The following ARHGAP15 variants were observed in gnomAD, a reference collection of about 807,000 sequenced individuals.
ARHGAP15 encodes Rho GTPase activating protein 15.
ARHGAP15 carries 51 observed loss-of-function variants against 63.7 expected under a neutral mutation model. That is an observed-to-expected ratio of 0.80 (90% CI 0.64 to 1.01). The LOEUF (loss-of-function observed/expected upper bound fraction) is 1.01, where lower values mean the gene tolerates loss of function less well. Ranked by LOEUF, ARHGAP15 falls within the 50% of genes least tolerant of loss-of-function variation. The pLI is 0.00. For missense variants in ARHGAP15, 560 were observed against 564.6 expected, an observed-to-expected ratio of 0.99 and a Z score of 0.08; for synonymous variants, 191 against 193.8, an observed-to-expected ratio of 0.99 and a Z score of 0.12.
chr2:143,735,603 T>C (rs938704752), intron 13 of ARHGAP15, among the ~76,000 whole-genome samples: 2 of 152,182 alleles, frequency 1.3e-5, no homozygotes, highest in Non-Finnish European at 2.9e-5. Context: ...TATTATTTGT[T>C]CGTTCCTGAT....
At chr2:143,587,769 G>A (rs1697166055) in intron 11 of ARHGAP15, 1 of 470,284 alleles carries the variant, frequency 2.1e-6, no homozygotes, top group African/African-American at 2.0e-5. Flanking sequence ...TTTCACAGTG[G>A]TCATTTGACC....
chr2:143,299,694 A>G (rs571643476), intron 6 of ARHGAP15, among the ~76,000 whole-genome samples: 1 of 152,120 alleles, frequency 6.6e-6, no homozygotes, highest in Non-Finnish European at 1.5e-5. Flanking sequence ...TTGTGTCTAA[A>G]ATAAACACTC....
chr2:143,432,989 G>A (rs1436884991), intron 6 of ARHGAP15, among the ~76,000 whole-genome samples: 1 of 151,916 alleles, frequency 6.6e-6, no homozygotes, highest in Non-Finnish European at 1.5e-5. Context: ...ACATTAGCAC[G>A]GCTTAATATC....
chr2:143,363,586 GC>G (rs1449455182), intron 6 of ARHGAP15, among the ~76,000 whole-genome samples: 1 of 152,124 alleles, frequency 6.6e-6, no homozygotes, highest in Non-Finnish European at 1.5e-5. Context: ...TTACCTGCTT[GC>G]CAAGGCTTTC....
At chr2:143,651,465 T>C (rs947386587) in intron 12 of ARHGAP15, among the ~76,000 whole-genome samples, 1 of 152,030 alleles carries the variant, frequency 6.6e-6, no homozygotes, top group African/African-American at 2.4e-5. Context: ...CTTATGATTT[T>C]ATTTACTTGT....
chr2:143,697,337 T>C (rs920471018), intron 12 of ARHGAP15, among the ~76,000 whole-genome samples: 3 of 152,208 alleles, frequency 2.0e-5, no homozygotes, highest in Non-Finnish European at 4.4e-5. Flanking sequence ...AAATATGTTT[T>C]AAGGGAAGAG....
intron 4 of ARHGAP15, among the ~76,000 whole-genome samples, chr2:143,225,306 TA>T (rs1012706593): frequency 2.3e-4 from 35 of 150,966 alleles, no homozygotes; most frequent in Admixed American, 1.5e-3. Flanking sequence ...AATTTGGATT[TA>T]AAAAAAAACA....
chr2:143,211,062 G>A (rs1692540103), intron 3 of ARHGAP15, among the ~76,000 whole-genome samples: 1 of 152,130 alleles, frequency 6.6e-6, no homozygotes, highest in African/African-American at 2.4e-5. Context: ...ATGATGTACA[G>A]ATAAGCTGGA....
chr2:143,337,462 C>T (rs1461572042), intron 6 of ARHGAP15, among the ~76,000 whole-genome samples: 1 of 152,100 alleles, frequency 6.6e-6, no homozygotes, highest in African/African-American at 2.4e-5. Context: ...GCATTACGTT[C>T]TGGATTCAGG....
chr2:143,637,511 A>G (rs910116110), intron 12 of ARHGAP15, among the ~76,000 whole-genome samples: 2 of 152,078 alleles, frequency 1.3e-5, no homozygotes, highest in African/African-American at 2.4e-5. Context: ...TCTCATAACA[A>G]CAGGAGCTGG....
At chr2:143,342,198 C>G (rs772069652) in intron 6 of ARHGAP15, among the ~76,000 whole-genome samples, 13 of 152,036 alleles carry the variant, frequency 8.6e-5, no homozygotes, top group Admixed American at 4.6e-4. Flanking sequence ...AAGCTATATC[C>G]TAAGCATCAA....
intron 4 of ARHGAP15, among the ~76,000 whole-genome samples, chr2:143,217,127 T>C (rs1692786154): frequency 6.6e-6 from 1 of 152,150 alleles, no homozygotes; most frequent in African/African-American, 2.4e-5. Context: ...TAGAAAATGC[T>C]CAAGTTGAGA....
chr2:143,171,613 C>T (rs1690784394), intron 2 of ARHGAP15, among the ~76,000 whole-genome samples: 1 of 152,050 alleles, frequency 6.6e-6, no homozygotes, highest in Non-Finnish European at 1.5e-5. Context: ...CCACCTGTGT[C>T]TAGCAAAACT....
intron 8 of ARHGAP15, among the ~76,000 whole-genome samples, chr2:143,482,396 C>A (rs1459451575): frequency 6.6e-6 from 1 of 152,164 alleles, no homozygotes; most frequent in Non-Finnish European, 1.5e-5. Flanking sequence ...TATTGTACCA[C>A]ACTGTGTATT....
intron 12 of ARHGAP15, among the ~76,000 whole-genome samples, chr2:143,690,453 C>T (rs1297620378): frequency 6.6e-6 from 1 of 152,166 alleles, no homozygotes; most frequent in African/African-American, 2.4e-5. Flanking sequence ...CCTATGGCTA[C>T]TTCTTTACAG....
rs189674090 is a variant in ARHGAP15 at position 143,694,134 on chromosome 2, G to T, written c.1139-9285G>T. Among the ~76,000 whole-genome samples, 259 of 152,056 alleles carry T rather than the reference G, an allele frequency of 1.7e-3. 3 individuals are homozygous for T. Among genetic ancestry groups the T allele is most frequent in the African/African-American group, 6.0e-3 (250 of 41,476 alleles). ...TCATATTTACATCTGCCATATATGT[G>T]GTACTTCAAAAATTAAAGGCGTGAA... On this transcript the variant is annotated intron_variant, in intron 12 of 13. Transcript: ENST00000295095.
chr2:143,165,741 C>T (rs1690473481), intron 2 of ARHGAP15, among the ~76,000 whole-genome samples: 2 of 152,010 alleles, frequency 1.3e-5, no homozygotes, highest in South Asian at 2.1e-4. Flanking sequence ...CTGGCTGATA[C>T]TTGATAATAC....
intron 6 of ARHGAP15, among the ~76,000 whole-genome samples, chr2:143,270,606 T>G (rs533591509): frequency 6.6e-6 from 1 of 152,236 alleles, no homozygotes; most frequent in South Asian, 2.1e-4. Context: ...TGTAATTACA[T>G]ACTACTTTCC....
At position 143,155,638 on chromosome 2, in the gene ARHGAP15, G is replaced by A. The variant is rs755742136; in HGVS notation, c.148G>A (p.Gly50Arg). 17 of 1,572,418 alleles carry A rather than the reference G, an allele frequency of 1.1e-5. No homozygotes were observed. The highest frequency in any genetic ancestry group is 6.0e-5 in the Admixed American group (3 of 50,146). The change falls in exon 2 of 14, where the codon GGG (glycine) becomes AGG (arginine). Residue 50 changes from glycine (G) to arginine (R), a missense_variant. Physicochemically the swap from Gly to Arg is moderately radical, Grantham distance 125. Transcript: ENST00000295095. ...TAAATCCATGATCCTCACCGATGTC[G>A]GGAAGGTCACTGAACCTGTAAGTCA... ...QSKSMILTDV[G>R]KVTEPISRHR...
Sources: gnomAD v4.1 joint callset for allele counts (sites outside exome capture counted in the v4.1 genomes callset) on GRCh38, gnomAD v4.1.1 for gene constraint, MANE v1.5 for transcripts, NCBI Gene and HGNC (gene_info 2026-07-23, HGNC 2026-07-21) for gene names.